The following CPNE8 variants were observed in gnomAD, a reference collection of about 807,000 sequenced individuals.
CPNE8 encodes copine 8.
In CPNE8, 45 loss-of-function variants were observed where a neutral mutation model predicts 81.5. That is an observed-to-expected ratio of 0.55 (90% CI 0.44 to 0.71). CPNE8 has a LOEUF of 0.71. Ranked by LOEUF, CPNE8 falls within the 30% of genes least tolerant of loss-of-function variation. The probability of loss-of-function intolerance (pLI) is 0.00; values close to 1 mark genes in which losing one functional copy is unlikely to be tolerated. For missense variants in CPNE8, 594 were observed against 672.1 expected, an observed-to-expected ratio of 0.88 and a Z score of 1.28; for synonymous variants, 252 against 226.3, an observed-to-expected ratio of 1.11 and a Z score of -1.02.
At position 38,761,513 on chromosome 12, in the gene CPNE8, T is replaced by C. The variant is rs7134964; in HGVS notation, c.680+599A>G. Among the ~76,000 whole-genome samples the C allele has an allele frequency of 5.3e-3, 815 of 152,350 alleles. 4 individuals are homozygous for C. The highest frequency in any genetic ancestry group is 0.019 in the African/African-American group (773 of 41,574). Reference sequence around the variant, plus strand: ...ATAAATTTCAAAGAAAACTTAATAATAGTTCTATGATATGGGTTAATTAAA... The same window carrying C: ...ATAAATTTCAAAGAAAACTTAATAACAGTTCTATGATATGGGTTAATTAAA... On this transcript the variant is annotated intron_variant, in intron 9 of 19. Coordinates refer to ENST00000331366, the MANE Select transcript of CPNE8 (RefSeq NM_153634.3).
intron 19 of CPNE8, among the ~76,000 whole-genome samples, chr12:38,658,528 CAAATTCAGGAAAT>C (rs1300201253): frequency 1.3e-5 from 2 of 152,142 alleles, no homozygotes; most frequent in Non-Finnish European, 2.9e-5. Context: ...AGCCAACATT[CAAATTCAGGAAAT>C]ACAGAGAACA....
intron 14 of CPNE8, among the ~76,000 whole-genome samples, chr12:38,697,054 A>T (rs912694906): frequency 3.9e-5 from 6 of 152,228 alleles, no homozygotes; most frequent in Admixed American, 3.3e-4. Context: ...ATCTCAAAAA[A>T]CAAAACAAAA....
chr12:38,882,450 G>A (rs1944175017), intron 1 of CPNE8, among the ~76,000 whole-genome samples: 1 of 152,108 alleles, frequency 6.6e-6, no homozygotes, highest in South Asian at 2.1e-4. Context: ...TAGGACTTTT[G>A]GCATCCAGAC....
chr12:38,718,019 T>C (rs953882477), intron 13 of CPNE8, among the ~76,000 whole-genome samples: 5 of 152,040 alleles, frequency 3.3e-5, no homozygotes, highest in Admixed American at 1.3e-4. Context: ...ATACTTATTA[T>C]GTATTATGGA....
chr12:38,660,568 T>C (rs1434453254), intron 19 of CPNE8, among the ~76,000 whole-genome samples: 1 of 152,140 alleles, frequency 6.6e-6, no homozygotes, highest in African/African-American at 2.4e-5. Context: ...AAAGACTTCA[T>C]GACTAAAACA....
At chr12:38,743,816 G>A (rs1031964845) in intron 10 of CPNE8, among the ~76,000 whole-genome samples, 8 of 151,966 alleles carry the variant, frequency 5.3e-5, no homozygotes, top group African/African-American at 1.7e-4. Context: ...CTGGAGAAGC[G>A]TTGTGTCAGT....
chr12:38,704,826 G>GTGTA (rs1249607170), intron 13 of CPNE8, among the ~76,000 whole-genome samples: 2 of 50,200 alleles, frequency 4.0e-5, no homozygotes, highest in Admixed American at 2.9e-4. Flanking sequence ...GTATGTATGT[G>GTGTA]TATATATATA....
At chr12:38,879,309 T>C (rs963981497) in intron 1 of CPNE8, among the ~76,000 whole-genome samples, 3 of 151,324 alleles carry the variant, frequency 2.0e-5, no homozygotes, top group African/African-American at 7.3e-5. Flanking sequence ...ACAGAGAGTC[T>C]CTGTTTCCCC....
chr12:38,901,157 G>T (rs1248130221), intron 1 of CPNE8, among the ~76,000 whole-genome samples: 1 of 152,112 alleles, frequency 6.6e-6, no homozygotes, highest in African/African-American at 2.4e-5. Flanking sequence ...GGAGGTGGAG[G>T]TTGCAGTGAG....
intron 5 of CPNE8, among the ~76,000 whole-genome samples, chr12:38,833,881 G>A (rs529412505): frequency 6.6e-6 from 1 of 152,188 alleles, no homozygotes; most frequent in African/African-American, 2.4e-5. Flanking sequence ...CCTGAATCAT[G>A]TGAGGGAGGG....
intron 1 of CPNE8, among the ~76,000 whole-genome samples, chr12:38,902,355 A>G (rs1423510737): frequency 3.0e-5 from 3 of 98,934 alleles, no homozygotes; most frequent in African/African-American, 1.3e-4. Context: ...AAAGAAAGAA[A>G]GAAAGAAAGA....
intron 1 of CPNE8, among the ~76,000 whole-genome samples, chr12:38,894,701 C>A (rs1245356856): frequency 1.1e-5 from 1 of 87,912 alleles, no homozygotes; most frequent in East Asian, 2.9e-4. Flanking sequence ...CTCTCTCTCT[C>A]TCTCTCTCTC....
intron 5 of CPNE8, 38 bp from the exon 6 acceptor site, chr12:38,829,493 A>T: frequency 7.1e-7 from 1 of 1,404,966 alleles, no homozygotes; most frequent in Non-Finnish European, 1.0e-6. Flanking sequence ...ATAAGTTTCC[A>T]AACTATCTTT....
intron 6 of CPNE8, among the ~76,000 whole-genome samples, chr12:38,790,562 A>G (rs1159525528): frequency 6.6e-6 from 1 of 151,762 alleles, no homozygotes; most frequent in Non-Finnish European, 1.5e-5. Context: ...ACTCTAGTCA[A>G]TAATAATTTA....
rs187290773 is a variant in CPNE8, at chr12:38,887,661, A to T, written c.99-13150T>A. 1.4e-3 allele frequency among the ~76,000 whole-genome samples: 214 copies of T among 152,312 alleles called. 1 individual carries two copies. The highest frequency in any genetic ancestry group is 4.9e-3 in the African/African-American group (202 of 41,574). ...TTGAAACTTTCAAAACACTTTATTA[A>T]TATTATCTCAAACAATCCTTATACA... On this transcript the variant is annotated intron_variant, in intron 1 of 19. Coordinates refer to ENST00000331366, the MANE Select transcript of CPNE8 (RefSeq NM_153634.3).
chr12:38,877,559 C>T (rs1272642635), intron 1 of CPNE8, among the ~76,000 whole-genome samples: 1 of 151,966 alleles, frequency 6.6e-6, no homozygotes, highest in Admixed American at 6.6e-5. Context: ...TACAAAAGAA[C>T]AAATTCTTCA....
At chr12:38,904,528 G>A (rs1944535676) in intron 1 of CPNE8, among the ~76,000 whole-genome samples, 1 of 149,638 alleles carries the variant, frequency 6.7e-6, no homozygotes, top group Admixed American at 6.7e-5. Context: ...GAGTGCAATG[G>A]CAAGATCTCA....
At chr12:38,788,907 T>C (rs1280823902) in intron 6 of CPNE8, among the ~76,000 whole-genome samples, 1 of 151,712 alleles carries the variant, frequency 6.6e-6, no homozygotes, top group East Asian at 1.9e-4. Context: ...AAGTAAAAGA[T>C]GACTGTAATA....
rs962615624 is a variant in CPNE8, at chr12:38,653,620, A to AAAAAAAAAAAAG, written c.*261_*262insCTTTTTTTTTTT. The AAAAAAAAAAAAG allele has an allele frequency of 1.4e-4, 38 of 274,308 alleles. No homozygotes were observed. Among genetic ancestry groups the AAAAAAAAAAAAG allele is most frequent in the Middle Eastern group, 1.1e-3 (1 of 952 alleles). 17.0% of individuals were successfully genotyped at this position (274,308 alleles called of 1,614,324 possible). A position where few individuals can be genotyped will look rare whatever the true frequency, so the allele number is the denominator to read the frequency against. On this transcript the variant is annotated 3_prime_UTR_variant, in exon 20 of 20. Coordinates refer to ENST00000331366, the MANE Select transcript of CPNE8 (RefSeq NM_153634.3). ...ATTGGAAATTAGCTGTTTCTGTTAA[A>AAAAAAAAAAAAG]AAAAAAAAGAAAGAAAGATTTAGAG...
Sources: allele counts gnomAD v4.1 joint callset (sites outside exome capture counted in the v4.1 genomes callset), GRCh38; gene constraint gnomAD v4.1.1; transcripts MANE v1.5; gene names NCBI Gene and HGNC (gene_info 2026-07-23, HGNC 2026-07-21).